CAMTA1: variants seen among roughly 807,000 people sequenced by gnomAD.
CAMTA1 encodes the protein calmodulin-binding transcription activator 1.
A neutral mutation model predicts 170.9 loss-of-function variants in CAMTA1; 27 were observed. The ratio of observed to expected loss-of-function variants is 0.16; its 90% CI spans 0.12 to 0.22. The LOEUF (loss-of-function observed/expected upper bound fraction) is 0.22, where lower values mean the gene tolerates loss of function less well. Ranked by LOEUF, CAMTA1 falls within the 10% of genes least tolerant of loss-of-function variation. The pLI, the probability that CAMTA1 is intolerant of heterozygous loss-of-function variation, is 1.00. For synonymous variants in CAMTA1, 833 were observed against 891.5 expected (o/e 0.93, Z 1.17); for missense variants, 1,619 against 2,217.2 (o/e 0.73, Z 5.42).
intron 11 of CAMTA1, among the ~76,000 whole-genome samples, chr1:7,724,079 A>G (rs913369366): frequency 1.4e-4 from 21 of 152,216 alleles, no homozygotes; most frequent in Admixed American, 3.3e-4. Flanking sequence ...TCAGCCTCCC[A>G]AAGTGCTGGG....
chr1:7,047,310 G>A (rs1348516966), intron 3 of CAMTA1, among the ~76,000 whole-genome samples: 2 of 152,088 alleles, frequency 1.3e-5, no homozygotes, highest in African/African-American at 2.4e-5. Flanking sequence ...TTCTCCCTTC[G>A]GTGAGAAGGA....
In CAMTA1 at chr1:6,936,000, C is replaced by G. The variant is rs368748374; in HGVS notation, c.234+110790C>G. Among the ~76,000 whole-genome samples the G allele has an allele frequency of 1.2e-4, 19 of 152,330 alleles. No individual in the cohort carries two copies. The East Asian group carries it at 3.1e-3, about 25-fold the overall frequency. Reference sequence around the variant, plus strand: ...TGACTCGAGGCTGTCGGAGGTCTAACTGTTTAAGGTTATGCGCCTGAGCCT... The same window carrying G: ...TGACTCGAGGCTGTCGGAGGTCTAAGTGTTTAAGGTTATGCGCCTGAGCCT... On this transcript the variant is annotated intron_variant, in intron 3 of 22. Coordinates refer to ENST00000303635, the MANE Select transcript of CAMTA1 (RefSeq NM_015215.4).
intron 10 of CAMTA1, among the ~76,000 whole-genome samples, chr1:7,672,753 G>T (rs2096071593): frequency 1.3e-5 from 2 of 152,206 alleles, no homozygotes; most frequent in East Asian, 3.9e-4. Context: ...CACCAGAGCA[G>T]AAAACCCCTG....
intron 4 of CAMTA1, among the ~76,000 whole-genome samples, chr1:7,221,350 T>A (rs1660729183): frequency 6.6e-6 from 1 of 152,152 alleles, no homozygotes; most frequent in South Asian, 2.1e-4. Context: ...TGCCAGAGAC[T>A]GTGTGAGACT....
chr1:7,153,998 C>T (rs1646724926), intron 4 of CAMTA1, among the ~76,000 whole-genome samples: 1 of 152,200 alleles, frequency 6.6e-6, no homozygotes, highest in Non-Finnish European at 1.5e-5. Flanking sequence ...CCCTTTGGGG[C>T]ACTGGGTGTC....
At chr1:7,310,594 CTTTTCT>C (rs1488763795) in intron 5 of CAMTA1, among the ~76,000 whole-genome samples, 2 of 94,470 alleles carry the variant, frequency 2.1e-5, no homozygotes, top group Non-Finnish European at 3.9e-5. Context: ...TTTTTCTTTT[CTTTTCT>C]TTTCTTTCTT....
chr1:7,499,589 AGTGC>A (rs1271862671), intron 6 of CAMTA1, among the ~76,000 whole-genome samples: 8 of 109,712 alleles, frequency 7.3e-5, no homozygotes, highest in Admixed American at 6.5e-4. Flanking sequence ...GCCTGGCGTG[AGTGC>A]GTATGTATAT....
chr1:7,475,603 T>G (rs2093407875), intron 6 of CAMTA1, among the ~76,000 whole-genome samples: 1 of 152,148 alleles, frequency 6.6e-6, no homozygotes, highest in African/African-American at 2.4e-5. Context: ...ACGTGGCTGA[T>G]GCCGAGGTGC....
At chr1:7,468,951 G>A (rs1210167844) in intron 6 of CAMTA1, among the ~76,000 whole-genome samples, 1 of 152,220 alleles carries the variant, frequency 6.6e-6, no homozygotes, top group Admixed American at 6.5e-5. Flanking sequence ...CAGGAGAGCT[G>A]GTCTGGAAGG....
intron 6 of CAMTA1, among the ~76,000 whole-genome samples, 172 bp from the exon 7 acceptor site, chr1:7,640,228 C>T (rs2095750168): frequency 6.6e-6 from 1 of 152,154 alleles, no homozygotes; most frequent in Admixed American, 6.5e-5. Flanking sequence ...CCCACATGCG[C>T]CGGACAGCCC....
chr1:7,561,596 C>A lies in CAMTA1; in HGVS notation c.511-78804C>A, dbSNP rs958342006. ...TTCAGGGAGGAGGGGAGACTGTGGGCGGCTTGCGCAGCACCCTCTGCAGGC... is the reference window on the plus strand; with the variant it reads ...TTCAGGGAGGAGGGGAGACTGTGGGAGGCTTGCGCAGCACCCTCTGCAGGC... On this transcript the variant is annotated intron_variant, in intron 6 of 22. Transcript: ENST00000303635. This position sits in a 1 kb window ranked among gnomAD's most constrained non-coding sequence, Gnocchi z 5.3. 2.0e-5 allele frequency among the ~76,000 whole-genome samples: 3 copies of A among 151,906 alleles called. No individual in the cohort carries two copies. The highest frequency in any genetic ancestry group is 2.4e-5 in the African/African-American group (1 of 41,348).
At chr1:7,094,016 T>G (rs1641781186) in intron 4 of CAMTA1, among the ~76,000 whole-genome samples, 1 of 152,238 alleles carries the variant, frequency 6.6e-6, no homozygotes, top group Non-Finnish European at 1.5e-5. Context: ...GCCTCTTATC[T>G]GTGGGGCAGT....
At chr1:7,308,054 T>A (rs1675859813) in intron 5 of CAMTA1, among the ~76,000 whole-genome samples, 2 of 148,800 alleles carry the variant, frequency 1.3e-5, no homozygotes, top group South Asian at 4.1e-4. Context: ...ATTCCAGGGT[T>A]GTTGTTGTTT....
Position 7,532,999 on chromosome 1 carries a change from A to T in CAMTA1, c.510+65098A>T, listed in dbSNP as rs565954397. 1.3e-5 allele frequency among the ~76,000 whole-genome samples: 2 copies of T among 152,302 alleles called. No homozygotes were observed. Among genetic ancestry groups the T allele is most frequent in the Admixed American group, 1.3e-4 (2 of 15,298 alleles). ...GGCCCAGGTGGGAGTTGAGGGTCCCAATAATTAGTACGTTGTTTTCCCTGC... is the reference window on the plus strand; with the variant it reads ...GGCCCAGGTGGGAGTTGAGGGTCCCTATAATTAGTACGTTGTTTTCCCTGC... On this transcript the variant is annotated intron_variant, in intron 6 of 22. Coordinates refer to ENST00000303635, the MANE Select transcript of CAMTA1 (RefSeq NM_015215.4). This position sits in a 1 kb window ranked among gnomAD's most constrained non-coding sequence, Gnocchi z 4.2.
chr1:7,157,232 C>T (rs867362886), intron 4 of CAMTA1, among the ~76,000 whole-genome samples: 4 of 149,648 alleles, frequency 2.7e-5, no homozygotes, highest in African/African-American at 9.8e-5. Flanking sequence ...GTAGTCCCAG[C>T]GACTGGGGAG....
chr1:7,437,160 C>T (rs2092374886), intron 5 of CAMTA1, among the ~76,000 whole-genome samples: 1 of 152,152 alleles, frequency 6.6e-6, no homozygotes, highest in Non-Finnish European at 1.5e-5. Context: ...TCCCCGGATG[C>T]CTGGATGCCG....
intron 5 of CAMTA1, among the ~76,000 whole-genome samples, chr1:7,253,801 G>A (rs4908611): frequency 0.5 from 75,238 of 151,870 alleles, 20,559 homozygotes; most frequent in East Asian, 0.61. Flanking sequence ...GGTGGGGCCT[G>A]TAGACTTTTC....
Position 7,289,307 on chromosome 1 carries a change from G to A in CAMTA1, c.438+39681G>A, listed in dbSNP as rs145921188. Among the ~76,000 whole-genome samples the A allele has an allele frequency of 4.4e-3, 672 of 152,260 alleles. 8 individuals are homozygous for A. Among genetic ancestry groups the A allele is most frequent in the Admixed American group, 0.024 (366 of 15,300 alleles). On this transcript the variant is annotated intron_variant, in intron 5 of 22. Transcript: ENST00000303635. Reference sequence around the variant, plus strand: ...CCAGCCTCTTGTGTCTGAGCAAAGGGAAATGAGCAGGAGGGGTGAGAATGA... The same window carrying A: ...CCAGCCTCTTGTGTCTGAGCAAAGGAAAATGAGCAGGAGGGGTGAGAATGA...
Position 7,309,709 on chromosome 1 carries a change from A to G in CAMTA1, c.438+60083A>G, listed in dbSNP as rs191541384. 1.1e-3 allele frequency among the ~76,000 whole-genome samples: 163 copies of G among 151,988 alleles called. 1 individual carries two copies. The highest frequency in any genetic ancestry group is 2.0e-3 in the Non-Finnish European group (133 of 67,986). ...ATTTTACATATTGTGTTTTTTTACTATATCTCTTTGTATAGTTTTTTAATG... is the reference window on the plus strand; with the variant it reads ...ATTTTACATATTGTGTTTTTTTACTGTATCTCTTTGTATAGTTTTTTAATG... On this transcript the variant is annotated intron_variant, in intron 5 of 22. Coordinates refer to ENST00000303635, the MANE Select transcript of CAMTA1 (RefSeq NM_015215.4).
Sources: allele counts gnomAD v4.1 joint callset (sites outside exome capture counted in the v4.1 genomes callset), GRCh38; gene constraint gnomAD v4.1.1; non-coding constraint Gnocchi (gnomAD v3.1); transcripts MANE v1.5; gene names NCBI Gene and HGNC (gene_info 2026-07-23, HGNC 2026-07-21).